The following GPC3 variants were observed in gnomAD, a reference collection of about 807,000 sequenced individuals.
GPC3 encodes the protein glypican 3.
A neutral mutation model predicts 34.4 loss-of-function variants in GPC3; 3 were observed. The observed-to-expected ratio is 0.09, with a 90% CI of 0.04 to 0.23. The LOEUF is 0.23. Among genes scored for constraint, GPC3 ranks in the 10% least tolerant of loss-of-function variants. The pLI, the probability that GPC3 is intolerant of heterozygous loss-of-function variation, is 1.00. For missense variants in GPC3, 351 were observed against 445.6 expected, an observed-to-expected ratio of 0.79 and a Z score of 1.91; for synonymous variants, 177 against 174.0, an observed-to-expected ratio of 1.02 and a Z score of -0.13.
rs565658524 is a variant in GPC3, at chrX:133,869,109, T to C, written c.337+83941A>G. On this transcript the variant is annotated intron_variant, in intron 2 of 7. Transcript: ENST00000370818. ...CAAGTCTTCCTCCAGTATTCAGCAG[T>C]ACCTACTTTTCTTTCTTTCCTTGTT... Among the ~76,000 whole-genome samples the C allele has an allele frequency of 8.1e-4, 91 of 112,103 alleles. No homozygotes were observed. The South Asian group carries it at 0.034, about 41-fold the overall frequency.
intron 2 of GPC3, among the ~76,000 whole-genome samples, chrX:133,912,461 A>C (rs1447049779): frequency 1.8e-5 from 2 of 111,391 alleles, no homozygotes; most frequent in African/African-American, 3.3e-5. Flanking sequence ...TTTAATTTTC[A>C]AGATTTGGGG....
intron 2 of GPC3, among the ~76,000 whole-genome samples, chrX:133,870,133 T>C (rs926847880): frequency 2.7e-5 from 3 of 111,943 alleles, no homozygotes; most frequent in Non-Finnish European, 5.6e-5. Flanking sequence ...CTTTTGTTGC[T>C]GTTGTTAATC....
chrX:133,659,276 T>G (rs923591564), intron 6 of GPC3, among the ~76,000 whole-genome samples: 1 of 112,472 alleles, frequency 8.9e-6, no homozygotes, highest in Admixed American at 9.4e-5. Flanking sequence ...AAATTCTTTC[T>G]ACTGTGCCCA....
At chrX:133,863,648 C>CTTTTTTTTTTT (rs1165193952) in intron 2 of GPC3, among the ~76,000 whole-genome samples, 10 of 72,883 alleles carry the variant, frequency 1.4e-4, no homozygotes, top group African/African-American at 5.0e-4. Flanking sequence ...AAAAATATTC[C>CTTTTTTTTTTT]TTTTTTTTTT....
intron 6 of GPC3, among the ~76,000 whole-genome samples, chrX:133,648,484 C>A (rs2124387617): frequency 9.0e-6 from 1 of 111,588 alleles, no homozygotes; most frequent in Non-Finnish European, 1.9e-5. Context: ...TATCACTTAA[C>A]TGGACTCCTT....
chrX:133,897,031 C>G (rs1281035520), intron 2 of GPC3, among the ~76,000 whole-genome samples: 3 of 107,397 alleles, frequency 2.8e-5, no homozygotes, highest in Admixed American at 1.0e-4. Context: ...CTCAGCCTCC[C>G]AAGTAGCTGG....
chrX:133,671,973 T>G (rs189061777), intron 5 of GPC3, among the ~76,000 whole-genome samples: 1 of 112,065 alleles, frequency 8.9e-6, no homozygotes, highest in East Asian at 2.8e-4. Flanking sequence ...AATAACTGCA[T>G]TAGAATCTGT....
At chrX:133,604,113 C>T (rs888733833) in intron 6 of GPC3, among the ~76,000 whole-genome samples, 1 of 111,316 alleles carries the variant, frequency 9.0e-6, no homozygotes, top group Non-Finnish European at 1.9e-5. Context: ...GGGAAGACTG[C>T]CATCCCCATT....
chrX:133,536,132 C>G lies in GPC3; in HGVS notation c.1735G>C (p.Val579Leu). ...AISVVCFFFL[V>L]H ...TGCTGGGCACCAGGCAGTCAGTGCA[C>G]CAGGAAGAAGAAGCACACCACCGAG... is the stretch of plus-strand genomic sequence containing the variant. Residue 579 changes from valine to leucine, a missense_variant, in exon 8 of 8, where the codon GTG (valine) becomes CTG (leucine). By Grantham distance (32) the Val-to-Leu change is conservative. Coordinates refer to ENST00000370818, the MANE Select transcript of GPC3 (RefSeq NM_004484.4). 8.4e-7 allele frequency: 1 copy of G among 1,195,042 alleles called. No individual in the cohort carries two copies. Among genetic ancestry groups the G allele is most frequent in the East Asian group, 3.0e-5 (1 of 33,471 alleles).
At chrX:133,762,731 C>T (rs1371146887) in intron 2 of GPC3, 1 of 382,278 alleles carries the variant, frequency 2.6e-6, no homozygotes, top group African/African-American at 2.6e-5. Flanking sequence ...TTCCGCCCTG[C>T]CCACAGAGGG....
At chrX:133,784,684 T>C (rs992589295) in intron 2 of GPC3, among the ~76,000 whole-genome samples, 1 of 112,501 alleles carries the variant, frequency 8.9e-6, no homozygotes, top group Non-Finnish European at 1.9e-5. Flanking sequence ...AAGAGGGGCA[T>C]GATCCCTCAT....
chrX:133,680,358 T>C (rs2070928711), intron 5 of GPC3, among the ~76,000 whole-genome samples: 1 of 111,541 alleles, frequency 9.0e-6, no homozygotes, highest in Non-Finnish European at 1.9e-5. Flanking sequence ...GGCCCGAAGC[T>C]GTGATTAGAA....
rs773951152 is a variant in GPC3 at position 133,932,720 on chromosome X, T to A, written c.337+20330A>T. Among the ~76,000 whole-genome samples the A allele has an allele frequency of 6.3e-5, 7 of 111,548 alleles. No homozygotes were observed. The Admixed American group carries it at 6.7e-4, about 11-fold the overall frequency. On this transcript the variant is annotated intron_variant, in intron 2 of 7. Coordinates refer to ENST00000370818, the MANE Select transcript of GPC3 (RefSeq NM_004484.4). ...TGGGAGGCATAGACCCCTTTACGTA[T>A]CTGACTTAAACTCTGTGCTTTCTCT...
intron 2 of GPC3, among the ~76,000 whole-genome samples, chrX:133,846,662 G>A (rs1259205824): frequency 8.1e-5 from 9 of 111,472 alleles, no homozygotes; most frequent in African/African-American, 2.3e-4. Flanking sequence ...CCTTCCTTCT[G>A]AAATCCTAAA....
chrX:133,554,841 A>G (rs2069471819), intron 7 of GPC3, among the ~76,000 whole-genome samples: 1 of 112,037 alleles, frequency 8.9e-6, no homozygotes, highest in Admixed American at 9.5e-5. Flanking sequence ...TGCTCTTGCC[A>G]TTACTCCATT....
chrX:133,846,437 CTAA>C (rs1252154813), intron 2 of GPC3, among the ~76,000 whole-genome samples: 1 of 111,715 alleles, frequency 9.0e-6, no homozygotes, highest in Non-Finnish European at 1.9e-5. Flanking sequence ...GACAAATACT[CTAA>C]TATTTACCTC....
At chrX:133,687,092 ATTTTTTTTTTT>A (rs775110101) in intron 5 of GPC3, among the ~76,000 whole-genome samples, 2 of 69,247 alleles carry the variant, frequency 2.9e-5, no homozygotes, top group South Asian at 1.7e-3. Flanking sequence ...TGGCCGGCTA[ATTTTTTTTTTT>A]TTTTTTTTTT....
chrX:133,823,110 C>T (rs1190433799), intron 2 of GPC3, among the ~76,000 whole-genome samples: 1 of 69,698 alleles, frequency 1.4e-5, no homozygotes, highest in East Asian at 5.5e-4. Context: ...GCCTGGGTGA[C>T]AGAGCAAGAC....
intron 7 of GPC3, among the ~76,000 whole-genome samples, chrX:133,584,668 G>A (rs1183096447): frequency 8.1e-5 from 9 of 110,762 alleles, no homozygotes; most frequent in African/African-American, 2.6e-4. Flanking sequence ...TGGCAGAGAC[G>A]GGGTTTCACC....
Sources: allele counts gnomAD v4.1 joint callset (sites outside exome capture counted in the v4.1 genomes callset), GRCh38; gene constraint gnomAD v4.1.1; transcripts MANE v1.5; gene names NCBI Gene and HGNC (gene_info 2026-07-23, HGNC 2026-07-21).